The following ANKRD11 variants were observed in gnomAD, a reference collection of about 807,000 sequenced individuals.
ANKRD11 encodes ankyrin repeat domain 11.
In ANKRD11, 17 loss-of-function variants were observed where a neutral mutation model predicts 195.7. That is an observed-to-expected ratio of 0.09 (90% CI 0.06 to 0.13). The LOEUF is 0.13. Among genes scored for constraint, ANKRD11 ranks in the 10% least tolerant of loss-of-function variants. The pLI, the probability that ANKRD11 is intolerant of heterozygous loss-of-function variation, is 1.00. For missense variants in ANKRD11, 3,735 were observed against 3,566.1 expected (o/e 1.05, Z -1.21); for synonymous variants, 1,953 against 1,528.1 (o/e 1.28, Z -6.49).
intron 2 of ANKRD11, among the ~76,000 whole-genome samples, chr16:89,375,611 G>A (rs2040390690): frequency 6.6e-6 from 1 of 151,630 alleles, no homozygotes; most frequent in Non-Finnish European, 1.5e-5. Flanking sequence ...CCGCCACCAC[G>A]CCCAGTTAAT....
intron 2 of ANKRD11, among the ~76,000 whole-genome samples, chr16:89,371,705 G>A (rs1404150817): frequency 6.6e-6 from 1 of 152,092 alleles, no homozygotes; most frequent in African/African-American, 2.4e-5. Flanking sequence ...ATGGATATGA[G>A]AGGTGGTCTC....
At chr16:89,481,780 G>A (rs142821169) in intron 1 of ANKRD11, among the ~76,000 whole-genome samples, 5 of 152,180 alleles carry the variant, frequency 3.3e-5, no homozygotes, top group Non-Finnish European at 5.9e-5. Context: ...GTTCAGACAC[G>A]TCTGGCTGAC....
chr16:89,369,940 G>C (rs2040121319), intron 2 of ANKRD11, among the ~76,000 whole-genome samples: 1 of 152,152 alleles, frequency 6.6e-6, no homozygotes, highest in African/African-American at 2.4e-5. Context: ...CCAAACACGG[G>C]GGGCCCAGCC....
chr16:89,418,918 C>T (rs1366218618), intron 1 of ANKRD11, among the ~76,000 whole-genome samples: 1 of 151,916 alleles, frequency 6.6e-6, no homozygotes, highest in Non-Finnish European at 1.5e-5. Flanking sequence ...TACAGGCGCT[C>T]GCCACCCACC....
At chr16:89,464,601 C>G (rs1428904857) in intron 1 of ANKRD11, among the ~76,000 whole-genome samples, 1 of 123,812 alleles carries the variant, frequency 8.1e-6, no homozygotes, top group Non-Finnish European at 1.7e-5. Flanking sequence ...GAGTGAGACT[C>G]CATCTTAAAA....
intron 2 of ANKRD11, among the ~76,000 whole-genome samples, chr16:89,381,451 G>A (rs2040651807): frequency 6.6e-6 from 1 of 151,572 alleles, no homozygotes; most frequent in South Asian, 2.1e-4. Flanking sequence ...TATTGTATAA[G>A]GAGCAAGAGC....
At chr16:89,489,963 C>A (rs1254448056) in intron 1 of ANKRD11, among the ~76,000 whole-genome samples, 4 of 147,864 alleles carry the variant, frequency 2.7e-5, no homozygotes, top group African/African-American at 7.4e-5. Flanking sequence ...CTCCCAGGCC[C>A]CCCCCGGAGC....
chr16:89,381,940 C>T (rs1401406447), intron 2 of ANKRD11, among the ~76,000 whole-genome samples: 2 of 152,188 alleles, frequency 1.3e-5, no homozygotes, highest in Admixed American at 6.5e-5. Flanking sequence ...CTCCACGGGG[C>T]TCAGACTGTA....
At chr16:89,425,756 G>A (rs746716182) in intron 1 of ANKRD11, among the ~76,000 whole-genome samples, 1 of 152,142 alleles carries the variant, frequency 6.6e-6, no homozygotes, top group Non-Finnish European at 1.5e-5. Context: ...CTGATTTAAA[G>A]TGAAAGAGAA....
intron 2 of ANKRD11, among the ~76,000 whole-genome samples, chr16:89,336,409 G>A (rs920073697): frequency 6.6e-6 from 1 of 152,250 alleles, no homozygotes; most frequent in Non-Finnish European, 1.5e-5. Flanking sequence ...CAGGAAGGAA[G>A]GAGTCTGTTT....
intron 2 of ANKRD11, among the ~76,000 whole-genome samples, chr16:89,347,521 G>C (rs917089627): frequency 5.3e-5 from 8 of 150,718 alleles, no homozygotes; most frequent in Non-Finnish European, 1.5e-5. Context: ...TGAGGCAGGA[G>C]AATGGCGTGA....
At chr16:89,486,454 A>C (rs917353503) in intron 1 of ANKRD11, among the ~76,000 whole-genome samples, 3 of 151,910 alleles carry the variant, frequency 2.0e-5, no homozygotes, top group Non-Finnish European at 4.4e-5. Flanking sequence ...CCTCAAAAAA[A>C]AAAAAAAAAG....
At chr16:89,324,356 A>G in intron 2 of ANKRD11, 1 of 1,037,452 alleles carries the variant, frequency 9.6e-7, no homozygotes, top group Non-Finnish European at 1.3e-6. Context: ...AGAAGAGGGA[A>G]AAAGCCAGGA....
Position 89,441,767 on chromosome 16 carries a change from CAAAAAAAAAAAA to C in ANKRD11, c.-144-23411_-144-23400del, listed in dbSNP as rs57747159. On this transcript the variant is annotated intron_variant, in intron 1 of 12. Coordinates refer to ENST00000301030, the MANE Select transcript of ANKRD11 (RefSeq NM_013275.6). ...GGGCAACAGAGCGAGACTCCGCCTA[CAAAAAAAAAAAA>C]AAAAAAAAAAAAAACGCAAACCTGA... Among the ~76,000 whole-genome samples, 68 of 52,354 alleles carry C rather than the reference CAAAAAAAAAAAA, an allele frequency of 1.3e-3. 1 individual carries two copies. The highest frequency in any genetic ancestry group is 3.5e-3 in the African/African-American group (31 of 8,884). The allele number at this position is 52,354 out of a possible 152,430, so 34.3% of individuals were successfully genotyped here.
intron 1 of ANKRD11, among the ~76,000 whole-genome samples, chr16:89,457,382 C>T (rs12934708): frequency 0.46 from 69,704 of 150,570 alleles, 16,809 homozygotes; most frequent in Middle Eastern, 0.65. Context: ...GCAGATCATG[C>T]GGTCAGGAGT....
rs869271846 is a variant in ANKRD11, at chr16:89,384,879, C to CTTTTTTTTT, written c.-60+33396_-60+33404dup. The stretch of plus-strand genomic sequence containing the variant: ...GGAGCACACAATGAGAAATAGTTTT[C>CTTTTTTTTT]TTTTTTTTTTTTTTTTTTTTTTTTT... On this transcript the variant is annotated intron_variant, in intron 2 of 12. Transcript: ENST00000301030. Among the ~76,000 whole-genome samples, 159 of 49,936 alleles carry CTTTTTTTTT rather than the reference C, an allele frequency of 3.2e-3. 18 individuals carry two copies. The highest frequency in any genetic ancestry group is 0.019 in the Middle Eastern group (1 of 54). The allele number at this position is 49,936 out of a possible 152,430, so 32.8% of individuals were successfully genotyped here.
In ANKRD11 at chr16:89,291,055, G is replaced by A. The variant is rs1011684262; in HGVS notation, c.355C>T (p.Leu119Phe). ...YPLSERQQVA[L>F]LMQMTAEESA... The stretch of plus-strand genomic sequence containing the variant: ...TCCTCGGCCGTCATCTGCATGAGAA[G>A]GGCCACCTGCTGGCGCTCGGAGAGG... Residue 119 changes from leucine to phenylalanine, a missense_variant, in exon 5 of 13, where the codon CTT becomes TTT. By Grantham distance (22) the Leu-to-Phe change is conservative (BLOSUM62 0). Transcript: ENST00000301030. The surrounding 1 kb of genome is among the most constrained non-coding windows in gnomAD (Gnocchi z 5.3). The A allele has an allele frequency of 2.5e-6, 4 of 1,613,136 alleles. No homozygotes were observed. Among genetic ancestry groups the A allele is most frequent in the African/African-American group, 1.3e-5 (1 of 74,928 alleles).
At chr16:89,332,736 A>G (rs932925507) in intron 2 of ANKRD11, among the ~76,000 whole-genome samples, 4 of 152,184 alleles carry the variant, frequency 2.6e-5, no homozygotes, top group African/African-American at 9.7e-5. Flanking sequence ...CTCTCTGAGG[A>G]AAGTGCCCCG....
intron 1 of ANKRD11, among the ~76,000 whole-genome samples, chr16:89,483,012 ATC>A (rs933831299): frequency 2.6e-5 from 4 of 152,140 alleles, no homozygotes; most frequent in Non-Finnish European, 5.9e-5. Context: ...AAAACAATAA[ATC>A]TAAGGTTATG....
Sources: allele counts gnomAD v4.1 joint callset (sites outside exome capture counted in the v4.1 genomes callset), GRCh38; gene constraint gnomAD v4.1.1; non-coding constraint Gnocchi (gnomAD v3.1); transcripts MANE v1.5; gene names NCBI Gene and HGNC (gene_info 2026-07-23, HGNC 2026-07-21).